Variants in TAB2 observed in about 807,000 individuals in gnomAD.
TAB2 encodes the protein TGF-beta-activated kinase 1 and MAP3K7-binding protein 2.
A neutral mutation model predicts 65.0 loss-of-function variants in TAB2; 3 were observed. The observed-to-expected ratio is 0.05, with a 90% CI of 0.02 to 0.12. The LOEUF (loss-of-function observed/expected upper bound fraction) is 0.12, where lower values mean the gene tolerates loss of function less well. Among genes scored for constraint, TAB2 ranks in the 10% least tolerant of loss-of-function variants. TAB2 has a pLI of 1.00. For synonymous variants in TAB2, 298 were observed against 285.1 expected, an observed-to-expected ratio of 1.05 and a Z score of -0.46; for missense variants, 623 against 840.3, an observed-to-expected ratio of 0.74 and a Z score of 3.20.
intron 1 of TAB2, among the ~76,000 whole-genome samples, chr6:149,234,902 G>T (rs1038310550): frequency 3.4e-5 from 5 of 147,252 alleles, no homozygotes; most frequent in African/African-American, 1.3e-4. Context: ...TTAAAAAATG[G>T]CATTGGCCTA....
At chr6:149,312,996 C>T (rs901513371), upstream of TAB2, among the ~76,000 whole-genome samples, 5 of 152,054 alleles carry the variant, frequency 3.3e-5, no homozygotes, top group African/African-American at 1.2e-4. Flanking sequence ...TTTGTACTCT[C>T]AATTTTTCAC....
intron 1 of TAB2, among the ~76,000 whole-genome samples, chr6:149,279,649 C>T (rs1466798631): frequency 6.6e-6 from 1 of 152,182 alleles, no homozygotes. Flanking sequence ...CAAAGAATAT[C>T]TGGCCTGAAA....
At chr6:149,244,341 ACGGTGG>A (rs1777658595) in intron 1 of TAB2, 1 of 152,352 alleles carries the variant, frequency 6.6e-6, no homozygotes, top group African/African-American at 2.4e-5. Context: ...CTTATAGTCC[ACGGTGG>A]CGGTGGAGGG....
intron 1 of TAB2, among the ~76,000 whole-genome samples, chr6:149,229,455 G>T (rs991859791): frequency 2.0e-5 from 3 of 151,940 alleles, no homozygotes; most frequent in Non-Finnish European, 2.9e-5. Context: ...TATTTTAAGG[G>T]GTGAGGGGCT....
chr6:149,300,795 G>A (rs1406624578), intron 1 of TAB2, among the ~76,000 whole-genome samples: 3 of 152,148 alleles, frequency 2.0e-5, no homozygotes, highest in Non-Finnish European at 4.4e-5. Flanking sequence ...CTGGGGGGGT[G>A]AAAGGAGTCC....
intron 1 of TAB2, among the ~76,000 whole-genome samples, chr6:149,291,129 T>C (rs1778768985): frequency 6.6e-6 from 1 of 152,238 alleles, no homozygotes; most frequent in Admixed American, 6.5e-5. Context: ...CCTGAGTTCC[T>C]GCTTTAGGCA....
At chr6:149,409,463 A>G (rs1385568345) in intron 6 of TAB2, 114 bp from the exon 7 acceptor site, 2 of 946,264 alleles carry the variant, frequency 2.1e-6, no homozygotes, top group Non-Finnish European at 3.3e-6. Context: ...TAGATGCCCC[A>G]TTTGGGGAGC....
intron 1 of TAB2, among the ~76,000 whole-genome samples, chr6:149,248,253 G>A (rs112860535): frequency 0.1 from 15,705 of 151,888 alleles, 1,560 homozygotes; most frequent in African/African-American, 0.26. Context: ...TTAGCCGGGC[G>A]TGGTGGCAGG....
At chr6:149,407,394 A>G (rs1264964791) in intron 6 of TAB2, among the ~76,000 whole-genome samples, 2 of 152,182 alleles carry the variant, frequency 1.3e-5, no homozygotes, top group Non-Finnish European at 2.9e-5. Flanking sequence ...ACATAAGTGA[A>G]ATAAAATTGG....
chr6:149,387,036 C>T (rs1463940865), intron 3 of TAB2, among the ~76,000 whole-genome samples: 1 of 152,142 alleles, frequency 6.6e-6, no homozygotes. Context: ...TTGCAATTTT[C>T]TCCCATTCTG....
intron 1 of TAB2, among the ~76,000 whole-genome samples, chr6:149,306,263 G>A (rs997934290): frequency 5.9e-5 from 9 of 151,856 alleles, no homozygotes; most frequent in Non-Finnish European, 8.8e-5. Flanking sequence ...AAAATTGGCC[G>A]GGTGCGGTGG....
intron 1 of TAB2, among the ~76,000 whole-genome samples, chr6:149,248,197 AC>A (rs1469565054): frequency 6.6e-6 from 1 of 151,992 alleles, no homozygotes; most frequent in African/African-American, 2.4e-5. Context: ...TTCAAAACCA[AC>A]CTAACCAACA....
chr6:149,303,098 A>T lies in TAB2; in HGVS notation c.-120-74920A>T, dbSNP rs144154373. 8.0e-3 allele frequency among the ~76,000 whole-genome samples: 1,220 copies of T among 152,344 alleles called. 26 individuals are homozygous for T. The highest frequency in any genetic ancestry group is 0.027 in the African/African-American group (1,128 of 41,576). The stretch of plus-strand genomic sequence containing the variant: ...TGTCACTATCTCCCATCAACCCCAG[A>T]CAGGATTATCTAGGGTTGATGAGAG... On this transcript the variant is annotated intron_variant, in intron 1 of 1. Transcript: ENST00000606202.
chr6:149,275,298 A>AAGAG (rs55665692), intron 1 of TAB2, among the ~76,000 whole-genome samples: 1 of 135,316 alleles, frequency 7.4e-6, no homozygotes, highest in Non-Finnish European at 1.6e-5. Context: ...GAAAGAAAGA[A>AAGAG]AGAGAAAAAA....
chr6:149,282,837 G>A (rs1778598658), intron 1 of TAB2, among the ~76,000 whole-genome samples: 1 of 152,138 alleles, frequency 6.6e-6, no homozygotes, highest in African/African-American at 2.4e-5. Context: ...TTACTCTTGG[G>A]GGAAGCAGCT....
intron 1 of TAB2, among the ~76,000 whole-genome samples, chr6:149,359,262 A>T (rs1177978981): frequency 6.6e-6 from 1 of 152,198 alleles, no homozygotes; most frequent in African/African-American, 2.4e-5. Context: ...AAGAAATAAG[A>T]TTCCATAGCA....
intron 5 of TAB2, among the ~76,000 whole-genome samples, chr6:149,398,587 A>T (rs1323047345): frequency 2.6e-5 from 4 of 152,160 alleles, no homozygotes; most frequent in African/African-American, 9.6e-5. Flanking sequence ...TAAGCTATTT[A>T]TCTTTAAACA....
intron 2 of TAB2, among the ~76,000 whole-genome samples, chr6:149,374,594 T>G (rs529669394): frequency 2.0e-5 from 3 of 152,208 alleles, no homozygotes; most frequent in Non-Finnish European, 4.4e-5. Context: ...TAAGCAGTGA[T>G]CATCAATAGC....
At chr6:149,327,827 T>C (rs1344020797) in intron 1 of TAB2, among the ~76,000 whole-genome samples, 2 of 152,222 alleles carry the variant, frequency 1.3e-5, no homozygotes, top group African/African-American at 4.8e-5. Flanking sequence ...CTTCCACATA[T>C]GGCGATTCTG....
Sources: allele counts gnomAD v4.1 joint callset (sites outside exome capture counted in the v4.1 genomes callset), GRCh38; gene constraint gnomAD v4.1.1; transcripts MANE v1.5; gene names NCBI Gene and HGNC (gene_info 2026-07-23, HGNC 2026-07-21).